MMP14: variants seen among roughly 807,000 people sequenced by gnomAD.
MMP14 encodes the protein matrix metalloproteinase-14.
In MMP14, 13 loss-of-function variants were observed where a neutral mutation model predicts 64.8. The observed-to-expected ratio is 0.20, with a 90% CI of 0.13 to 0.32. MMP14 has a LOEUF of 0.32. Among genes scored for constraint, MMP14 ranks in the 10% least tolerant of loss-of-function variants. The pLI, the probability that MMP14 is intolerant of heterozygous loss-of-function variation, is 1.00. For missense variants in MMP14, 594 were observed against 783.8 expected, an observed-to-expected ratio of 0.76 and a Z score of 2.89; for synonymous variants, 322 against 315.9, an observed-to-expected ratio of 1.02 and a Z score of -0.20.
rs1294036467 is a variant in MMP14 at position 22,841,893 on chromosome 14, C to T, written c.258-20C>T. On this transcript the variant is annotated intron_variant, in intron 2 of 9. Coordinates refer to ENST00000311852, the MANE Select transcript of MMP14 (RefSeq NM_004995.4). ...CATACACTGCACTGATCCCAATCCT[C>T]GCACCCAAACCCACTCCAGGGCCAT... is the stretch of plus-strand genomic sequence containing the variant. 8.7e-6 allele frequency: 14 copies of T among 1,614,110 alleles called. No individual in the cohort carries two copies. Among genetic ancestry groups the T allele is most frequent in the East Asian group, 2.2e-5 (1 of 44,890 alleles).
intron 1 of MMP14, among the ~76,000 whole-genome samples, chr14:22,841,105 A>G (rs548160370): frequency 1.5e-4 from 23 of 152,374 alleles, no homozygotes; most frequent in Non-Finnish European, 2.6e-4. Flanking sequence ...CCCACACATC[A>G]TGGGCATAGC....
Position 22,842,230 on chromosome 14 carries a change from C to A in MMP14, c.381-180C>A. 1 of 1,006,790 alleles carries A rather than the reference C, an allele frequency of 9.9e-7. No homozygotes were observed. The highest frequency in any genetic ancestry group is 1.4e-6 in the Non-Finnish European group (1 of 692,594). The allele number at this position is 1,006,790 out of a possible 1,614,324, so 62.4% of individuals were successfully genotyped here. On this transcript the variant is annotated intron_variant, in intron 3 of 9. Coordinates refer to ENST00000311852, the MANE Select transcript of MMP14 (RefSeq NM_004995.4). This position sits in a 1 kb window ranked among gnomAD's most constrained non-coding sequence, Gnocchi z 5.3. ...AGGGTGCACCCCAGTGCCAGAGAGCCAGAGCCTGAGGATCCCTTGTTCTTG... is the reference window on the plus strand; with the variant it reads ...AGGGTGCACCCCAGTGCCAGAGAGCAAGAGCCTGAGGATCCCTTGTTCTTG...
chr14:22,844,607 C>G (rs372104285), intron 7 of MMP14, 23 bp from the exon 8 acceptor site: 2 of 1,613,938 alleles, frequency 1.2e-6, no homozygotes, highest in East Asian at 4.5e-5. Flanking sequence ...TGAACCCAGA[C>G]GTTGCCCTCC....
chr14:22,840,550 C>A (rs1357374140), intron 1 of MMP14, among the ~76,000 whole-genome samples: 1 of 151,750 alleles, frequency 6.6e-6, no homozygotes, highest in Non-Finnish European at 1.5e-5. Context: ...GCTTTGTCTC[C>A]CAGGCTGGAG....
At position 22,841,609 on chromosome 14, in the gene MMP14, T is replaced by C; in HGVS notation, c.227T>C (p.Val76Ala). The C allele has an allele frequency of 6.2e-7, 1 of 1,614,034 alleles. No homozygotes were observed. The highest frequency in any genetic ancestry group is 1.1e-5 in the South Asian group (1 of 91,064). The change falls in exon 2 of 10, where the codon GTA (valine) becomes GCA (alanine). Residue 76 changes from valine to alanine, a missense_variant. Physicochemically the swap from Val to Ala is moderately conservative, Grantham distance 64 (BLOSUM62 0). Coordinates refer to ENST00000311852, the MANE Select transcript of MMP14 (RefSeq NM_004995.4). ...ATGCAGAAGTTTTACGGCTTGCAAGTAACAGGCAAAGCTGATGCAGACACC... is the reference window on the plus strand; with the variant it reads ...ATGCAGAAGTTTTACGGCTTGCAAGCAACAGGCAAAGCTGATGCAGACACC... ...AAMQKFYGLQ[V>A]TGKADADTMK...
chr14:22,844,874 A>C, intron 8 of MMP14, 94 bp downstream of exon 8: 2 of 1,524,152 alleles, frequency 1.3e-6, no homozygotes, highest in Non-Finnish European at 1.8e-6. Context: ...TTTACCCCCA[A>C]CATGCTTCCC....
intron 8 of MMP14, 55 bp downstream of exon 8, chr14:22,844,835 A>C (rs956683183): frequency 1.1e-5 from 17 of 1,607,758 alleles, no homozygotes; most frequent in Admixed American, 1.7e-5. Flanking sequence ...CACCACCCCA[A>C]ATTCCCTCAG....
chr14:22,841,637 GAAGT>G lies in MMP14; in HGVS notation c.257+3_257+6del. On this transcript the variant is annotated splice_donor_variant and coding_sequence_variant, in exon 2 of 10. Coordinates refer to ENST00000311852, the MANE Select transcript of MMP14 (RefSeq NM_004995.4). LOFTEE classifies it high-confidence loss of function. ...CAGGCAAAGCTGATGCAGACACCAT[GAAGT>G]AAGTGCTAGACCCTGGCAGGAGTTC... 1 of 1,613,904 alleles carries G rather than the reference GAAGT, an allele frequency of 6.2e-7. No individual in the cohort carries two copies. Among genetic ancestry groups the G allele is most frequent in the Non-Finnish European group, 8.5e-7 (1 of 1,180,000 alleles).
Position 22,842,183 on chromosome 14 carries a change from C to A in MMP14, c.380+148C>A. 2 of 1,179,290 alleles carry A rather than the reference C, an allele frequency of 1.7e-6. No homozygotes were observed. The highest frequency in any genetic ancestry group is 2.4e-6 in the Non-Finnish European group (2 of 830,688). The allele number at this position is 1,179,290 out of a possible 1,614,324, so 73.1% of individuals were successfully genotyped here. On this transcript the variant is annotated intron_variant, in intron 3 of 9. Coordinates refer to ENST00000311852, the MANE Select transcript of MMP14 (RefSeq NM_004995.4). The surrounding 1 kb of genome is among the most constrained non-coding windows in gnomAD (Gnocchi z 5.3). ...AGTGGGGAGGAAAATGGCTCTCATC[C>A]TTGAGAGAGGTGTAGCCATCAAGGG...
chr14:22,836,964 CCGGGAGGCGAGCCCGG>C, intron 1 of MMP14, 39 bp downstream of exon 1: 1 of 1,545,980 alleles, frequency 6.5e-7, no homozygotes, highest in Non-Finnish European at 8.9e-7. Flanking sequence ...GTCGCGCCCG[CCGGGAGGCGAGCCCGG>C]GGGTCTCCTA....
At chr14:22,844,810 T>C in intron 8 of MMP14, 30 bp downstream of exon 8, 1 of 1,612,558 alleles carries the variant, frequency 6.2e-7, no homozygotes, top group East Asian at 2.2e-5. Flanking sequence ...ACCCCAGGCC[T>C]CCCTCAGAAA....
Sources: gnomAD v4.1 joint callset for allele counts (sites outside exome capture counted in the v4.1 genomes callset) on GRCh38, gnomAD v4.1.1 for gene constraint, Gnocchi (gnomAD v3.1) non-coding constraint, MANE v1.5 for transcripts, NCBI Gene and HGNC (gene_info 2026-07-23, HGNC 2026-07-21) for gene names.